The following MCC variants were observed in gnomAD, a reference collection of about 807,000 sequenced individuals.
The protein encoded by MCC is colorectal mutant cancer protein.
A neutral mutation model predicts 116.2 loss-of-function variants in MCC; 90 were observed. The observed-to-expected ratio is 0.77, with a 90% CI of 0.65 to 0.92. The LOEUF (loss-of-function observed/expected upper bound fraction) is 0.92, where lower values mean the gene tolerates loss of function less well. Ranked by LOEUF, MCC falls within the 40% of genes least tolerant of loss-of-function variation. The pLI is 0.00. For missense variants in MCC, 1,516 were observed against 1,312.2 expected (o/e 1.16, Z -2.40); for synonymous variants, 578 against 510.5 (o/e 1.13, Z -1.78).
chr5:113,451,182 A>C (rs1443466283), intron 1 of MCC, among the ~76,000 whole-genome samples: 2 of 152,088 alleles, frequency 1.3e-5, no homozygotes, highest in African/African-American at 4.8e-5. Flanking sequence ...ATCTCAGTAC[A>C]CCCTTTCACT....
intron 3 of MCC, among the ~76,000 whole-genome samples, chr5:113,228,363 G>A (rs959424932): frequency 6.6e-6 from 1 of 152,120 alleles, no homozygotes; most frequent in Admixed American, 6.5e-5. Flanking sequence ...GAATGGTGCT[G>A]GAGGATTCAG....
intron 14 of MCC, among the ~76,000 whole-genome samples, chr5:113,058,259 C>T (rs569843672): frequency 6.6e-6 from 1 of 152,278 alleles, no homozygotes; most frequent in African/African-American, 2.4e-5. Context: ...TCTCTAATTA[C>T]CCTGCAGGAA....
chr5:113,373,634 C>T (rs557516167), intron 2 of MCC, among the ~76,000 whole-genome samples: 21 of 152,292 alleles, frequency 1.4e-4, no homozygotes, highest in Non-Finnish European at 2.8e-4. Context: ...TGGCAGATGA[C>T]GTGACCTCTC....
rs1193674029 is a variant in MCC at position 113,080,114 on chromosome 5, C to T, written c.1784+2746G>A. ...AAAACCACAATGAGATACCATCTCA[C>T]ACCAGTTAGAATGGCAATCATTAAA... On this transcript the variant is annotated intron_variant, in intron 11 of 18. Coordinates refer to ENST00000408903, the MANE Select transcript of MCC (RefSeq NM_001085377.2). Among the ~76,000 whole-genome samples, 23 of 152,326 alleles carry T rather than the reference C, an allele frequency of 1.5e-4. No homozygotes were observed. The South Asian group carries it at 1.7e-3, about 11-fold the overall frequency.
At chr5:113,331,501 T>G (rs1317410702) in intron 3 of MCC, among the ~76,000 whole-genome samples, 1 of 151,816 alleles carries the variant, frequency 6.6e-6, no homozygotes, top group African/African-American at 2.4e-5. Flanking sequence ...GTGGATATTT[T>G]GATCTGGGCC....
chr5:113,080,059 G>C (rs376084703), intron 11 of MCC, among the ~76,000 whole-genome samples: 1 of 152,154 alleles, frequency 6.6e-6, no homozygotes. Flanking sequence ...AAAATGCTCA[G>C]CATCACTGGC....
chr5:113,398,880 C>T lies in MCC; in HGVS notation c.171-13668G>A, dbSNP rs150510738. Among the ~76,000 whole-genome samples, 8 of 152,244 alleles carry T rather than the reference C, an allele frequency of 5.3e-5. No individual in the cohort carries two copies. In the East Asian group the frequency reaches 1.3e-3, roughly 26 times the overall value. On this transcript the variant is annotated intron_variant, in intron 1 of 18. Coordinates refer to ENST00000408903, the MANE Select transcript of MCC (RefSeq NM_001085377.2). ...AACCTATTTCAATTTATTTTGAAGT[C>T]TATTTTAACCCTGGGAATTAGTATT...
At position 113,049,113 on chromosome 5, in the gene MCC, T is replaced by A. The variant is rs766059656; in HGVS notation, c.2635A>T (p.Ser879Cys). The change falls in exon 16 of 19, where the codon AGC becomes TGC. Residue 879 changes from serine to cysteine, a missense_variant. Coordinates refer to ENST00000408903, the MANE Select transcript of MCC (RefSeq NM_001085377.2). ...MRSLSSTSSG[S>C]KDKPGKECAD... ...CCTACCTTGCCAGGTTTGTCTTTGC[T>A]GCCGCTGCTGGTGGAGCTGAGGGAT... 1 of 1,614,210 alleles carries A rather than the reference T, an allele frequency of 6.2e-7. No homozygotes were observed. The highest frequency in any genetic ancestry group is 2.2e-5 in the East Asian group (1 of 44,884).
At chr5:113,163,348 T>C (rs1230409004) in intron 3 of MCC, among the ~76,000 whole-genome samples, 1 of 152,182 alleles carries the variant, frequency 6.6e-6, no homozygotes, top group African/African-American at 2.4e-5. Flanking sequence ...AATAGAATAA[T>C]CCTAAGTTGT....
intron 3 of MCC, among the ~76,000 whole-genome samples, chr5:113,174,385 C>A (rs1012108834): frequency 2.6e-5 from 4 of 152,112 alleles, no homozygotes; most frequent in Non-Finnish European, 5.9e-5. Flanking sequence ...ACCTAAGGAG[C>A]ACCTCTTTTG....
At chr5:113,458,763 C>A (rs1295681081) in intron 1 of MCC, among the ~76,000 whole-genome samples, 1 of 152,152 alleles carries the variant, frequency 6.6e-6, no homozygotes, top group African/African-American at 2.4e-5. Context: ...GGGTTACACA[C>A]AGAAAGAGTG....
chr5:113,288,146 C>G (rs1766333702), intron 3 of MCC, among the ~76,000 whole-genome samples: 1 of 152,248 alleles, frequency 6.6e-6, no homozygotes, highest in Non-Finnish European at 1.5e-5. Flanking sequence ...TTCTGCAAGA[C>G]CTGGCTGTCA....
At chr5:113,385,363 G>T (rs1769229339) in intron 1 of MCC, 151 bp from the exon 2 acceptor site, 1 of 866,838 alleles carries the variant, frequency 1.2e-6, no homozygotes, top group Non-Finnish European at 1.7e-6. Flanking sequence ...AGTGATAAGT[G>T]TATGAAAAAA....
intron 5 of MCC, among the ~76,000 whole-genome samples, chr5:113,137,950 T>C (rs1226580601): frequency 5.7e-5 from 2 of 35,030 alleles, no homozygotes; most frequent in Non-Finnish European, 2.3e-4. Context: ...GATTCTTGGC[T>C]ACATTACCCT....
At chr5:113,103,678 C>T (rs760299564) in intron 7 of MCC, among the ~76,000 whole-genome samples, 1 of 152,138 alleles carries the variant, frequency 6.6e-6, no homozygotes, top group Non-Finnish European at 1.5e-5. Context: ...CACTAAGTTA[C>T]GTTGAAGGAA....
chr5:113,194,110 TA>T (rs1454887876), intron 3 of MCC, among the ~76,000 whole-genome samples: 2 of 152,100 alleles, frequency 1.3e-5, no homozygotes, highest in African/African-American at 4.8e-5. Flanking sequence ...TCTAAGCTTA[TA>T]AAGTAACATA....
chr5:113,073,073 T>C (rs534298621), intron 11 of MCC, among the ~76,000 whole-genome samples: 1 of 141,834 alleles, frequency 7.1e-6, no homozygotes, highest in East Asian at 2.1e-4. Context: ...TTACGAGATA[T>C]TTTTGCAATT....
At chr5:113,459,445 G>A (rs1257938434) in intron 1 of MCC, among the ~76,000 whole-genome samples, 1 of 151,948 alleles carries the variant, frequency 6.6e-6, no homozygotes, top group Non-Finnish European at 1.5e-5. Context: ...GGCTGAGACA[G>A]GACAATGGCA....
At chr5:113,081,997 C>T (rs1754889591) in intron 11 of MCC, among the ~76,000 whole-genome samples, 1 of 152,220 alleles carries the variant, frequency 6.6e-6, no homozygotes, top group Non-Finnish European at 1.5e-5. Flanking sequence ...GGCAGCCACA[C>T]CACACTCGGA....
Sources: gnomAD v4.1 joint callset for allele counts (sites outside exome capture counted in the v4.1 genomes callset) on GRCh38, gnomAD v4.1.1 for gene constraint, MANE v1.5 for transcripts, NCBI Gene and HGNC (gene_info 2026-07-23, HGNC 2026-07-21) for gene names.